Variants in BAZ2B observed in about 807,000 individuals in gnomAD.
BAZ2B encodes the protein bromodomain adjacent to zinc finger domain 2B.
In BAZ2B, 91 loss-of-function variants were observed where a neutral mutation model predicts 246.0. The ratio of observed to expected loss-of-function variants is 0.37; its 90% CI spans 0.31 to 0.44. The LOEUF is 0.44. Among genes scored for constraint, BAZ2B ranks in the 20% least tolerant of loss-of-function variants. The pLI is 1.00. For missense variants in BAZ2B, 2,332 were observed against 2,533.7 expected (o/e 0.92, Z 1.71); for synonymous variants, 855 against 860.0 (o/e 0.99, Z 0.10).
intron 2 of BAZ2B, among the ~76,000 whole-genome samples, chr2:159,518,693 G>A (rs1230667142): frequency 3.9e-5 from 6 of 152,102 alleles, no homozygotes; most frequent in Admixed American, 2.0e-4. Flanking sequence ...ACAGAATGCC[G>A]TCTTTAAAAC....
intron 2 of BAZ2B, among the ~76,000 whole-genome samples, chr2:159,512,476 C>T (rs1274122808): frequency 6.6e-6 from 1 of 152,020 alleles, no homozygotes; most frequent in African/African-American, 2.4e-5. Flanking sequence ...CAGTAAGAAA[C>T]ATAGCTATTT....
intron 14 of BAZ2B, among the ~76,000 whole-genome samples, chr2:159,408,854 G>A (rs2066372703): frequency 6.6e-6 from 1 of 152,114 alleles, no homozygotes; most frequent in Admixed American, 6.5e-5. Flanking sequence ...AGGAGGCAGA[G>A]GTTGCAGTGA....
At chr2:159,534,011 G>A (rs2085656763) in intron 2 of BAZ2B, among the ~76,000 whole-genome samples, 1 of 152,064 alleles carries the variant, frequency 6.6e-6, no homozygotes, top group Non-Finnish European at 1.5e-5. Context: ...TTTAACGAGA[G>A]GCCGTAATCA....
Position 159,439,039 on chromosome 2 carries a change from C to T in BAZ2B, c.870G>A (p.Glu290=). 6.2e-6 allele frequency: 10 copies of T among 1,613,766 alleles called. No individual in the cohort carries two copies. The highest frequency in any genetic ancestry group is 8.5e-6 in the Non-Finnish European group (10 of 1,179,922). The change falls in exon 7 of 37, where the codon GAG becomes GAA. Residue 290 remains glutamate (E), a synonymous_variant. Coordinates refer to ENST00000392783, the MANE Select transcript of BAZ2B (RefSeq NM_013450.4). ...EESEDDDSDS[E]SEAQHKSNNQ... ...TGTTACTTTTATGTTGTGCTTCACTCTCTGAATCAGAATCATCATCTTCAC... is the reference window on the plus strand; with the variant it reads ...TGTTACTTTTATGTTGTGCTTCACTTTCTGAATCAGAATCATCATCTTCAC...
At chr2:159,651,902 T>C in the BAZ2B span, among the ~76,000 whole-genome samples, 1 of 152,222 alleles carries the variant, frequency 6.6e-6, no homozygotes, top group African/African-American at 2.4e-5. Context: ...TGCTGAATAA[T>C]ATTTCATTAT....
At chr2:159,617,525 G>C (rs1696226351), upstream of BAZ2B, among the ~76,000 whole-genome samples, 1 of 151,562 alleles carries the variant, frequency 6.6e-6, no homozygotes, top group African/African-American at 2.4e-5. Context: ...CAGAACACAA[G>C]AAAGTCTCAA....
At chr2:159,401,047 T>C (rs7566214) in intron 16 of BAZ2B, among the ~76,000 whole-genome samples, 5,733 of 136,060 alleles carry the variant, frequency 0.042, 151 homozygotes, top group African/African-American at 0.091. Flanking sequence ...CGTCTCAAAA[T>C]AAAAAAAAAA....
chr2:159,571,672 TG>T (rs1684043453), intron 1 of BAZ2B, among the ~76,000 whole-genome samples: 1 of 152,200 alleles, frequency 6.6e-6, no homozygotes, highest in Non-Finnish European at 1.5e-5. Flanking sequence ...TGGCACAGAA[TG>T]GGTAGTTTAT....
chr2:159,365,955 T>G (rs1450438989), intron 27 of BAZ2B, among the ~76,000 whole-genome samples: 1 of 152,208 alleles, frequency 6.6e-6, no homozygotes, highest in Admixed American at 6.5e-5. Flanking sequence ...ACAATGACAG[T>G]GCAAAGCTAT....
upstream of BAZ2B, among the ~76,000 whole-genome samples, chr2:159,619,102 G>GA (rs561868210): frequency 1.3e-5 from 2 of 151,798 alleles, no homozygotes; most frequent in South Asian, 2.1e-4. Flanking sequence ...CTAATCTACA[G>GA]AAAAAACAAT....
intron 2 of BAZ2B, among the ~76,000 whole-genome samples, chr2:159,551,362 A>G (rs968296848): frequency 2.0e-5 from 3 of 151,252 alleles, no homozygotes; most frequent in Non-Finnish European, 4.4e-5. Flanking sequence ...CCACCTACTC[A>G]GGAGGCTGAG....
intron 22 of BAZ2B, among the ~76,000 whole-genome samples, chr2:159,386,048 T>C (rs1296240523): frequency 6.6e-6 from 1 of 152,142 alleles, no homozygotes; most frequent in African/African-American, 2.4e-5. Context: ...CAAGTTCTAG[T>C]TGCCTTATGA....
intron 14 of BAZ2B, among the ~76,000 whole-genome samples, chr2:159,407,649 A>G (rs1446093258): frequency 6.6e-6 from 1 of 152,184 alleles, no homozygotes; most frequent in Non-Finnish European, 1.5e-5. Flanking sequence ...TAAAAAGGAG[A>G]AGAGATTAAA....
chr2:159,537,373 A>G (rs934499780), intron 2 of BAZ2B, among the ~76,000 whole-genome samples: 6 of 152,252 alleles, frequency 3.9e-5, no homozygotes, highest in Admixed American at 2.6e-4. Context: ...TGAACTGTAC[A>G]TCCCCAAAGG....
intron 14 of BAZ2B, among the ~76,000 whole-genome samples, chr2:159,408,108 A>C (rs1207439090): frequency 3.9e-5 from 6 of 152,228 alleles, no homozygotes; most frequent in Non-Finnish European, 5.9e-5. Flanking sequence ...AGAAAATTCT[A>C]TAATATATAT....
the BAZ2B span, chr2:159,690,161 C>A: frequency 2.1e-6 from 1 of 471,962 alleles, no homozygotes; most frequent in South Asian, 2.2e-5. Context: ...AGTTTTGGTT[C>A]CTTGGATCCT....
chr2:159,624,798 C>G, the BAZ2B span, among the ~76,000 whole-genome samples: 1 of 152,096 alleles, frequency 6.6e-6, no homozygotes, highest in Non-Finnish European at 1.5e-5. Flanking sequence ...TAACTCCTCA[C>G]CAGCAAGGGA....
chr2:159,491,720 CAAAAAAAAA>C (rs773067675), intron 2 of BAZ2B, among the ~76,000 whole-genome samples: 8 of 29,554 alleles, frequency 2.7e-4, no homozygotes, highest in Middle Eastern at 0.028. Context: ...GACTCCGTCT[CAAAAAAAAA>C]AAAAAAAAAA....
the BAZ2B span, among the ~76,000 whole-genome samples, chr2:159,686,884 T>C: frequency 1.4e-4 from 21 of 151,670 alleles, no homozygotes; most frequent in Non-Finnish European, 2.4e-4. Flanking sequence ...CTACTAAAAA[T>C]ACAAAAAATT....
Sources: allele counts gnomAD v4.1 joint callset (sites outside exome capture counted in the v4.1 genomes callset), GRCh38; gene constraint gnomAD v4.1.1; transcripts MANE v1.5; gene names NCBI Gene and HGNC (gene_info 2026-07-23, HGNC 2026-07-21).